Variants in AP4E1 observed in about 807,000 individuals in gnomAD.
The protein encoded by AP4E1 is AP-4 complex subunit epsilon-1.
Under a neutral mutation model 128.2 loss-of-function variants are expected in AP4E1, and 56 were observed. The ratio of observed to expected loss-of-function variants is 0.44; its 90% confidence interval spans 0.35 to 0.55. AP4E1 has a LOEUF of 0.55. AP4E1 is among the 20% of genes least tolerant of loss of function. The pLI, the probability that AP4E1 is intolerant of heterozygous loss-of-function variation, is 0.00. For missense variants in AP4E1, 1,324 were observed against 1,307.7 expected, an observed-to-expected ratio of 1.01 and a Z score of -0.19; for synonymous variants, 484 against 473.1, an observed-to-expected ratio of 1.02 and a Z score of -0.30.
intron 15 of AP4E1, among the ~76,000 whole-genome samples, chr15:50,976,020 T>C (rs1202199197): frequency 6.6e-6 from 1 of 151,792 alleles, no homozygotes; most frequent in Non-Finnish European, 1.5e-5. Context: ...TCCAAAAATT[T>C]AAAGAGGAGA....
intron 3 of AP4E1, chr15:50,918,104 GA>G (rs896043190): frequency 8.2e-4 from 119 of 144,334 alleles, no homozygotes; most frequent in African/African-American, 2.4e-3. Context: ...TGTCTCAAAA[GA>G]AAAAAAAAAA....
chr15:50,908,271 G>A (rs892937903), upstream of AP4E1, among the ~76,000 whole-genome samples: 4 of 151,702 alleles, frequency 2.6e-5, no homozygotes, highest in African/African-American at 9.8e-5. Context: ...GCGCGGCGCC[G>A]GGGACCCGCG....
intron 9 of AP4E1, 40 bp downstream of exon 9, chr15:50,941,604 G>C: frequency 1.2e-6 from 2 of 1,612,328 alleles, no homozygotes; most frequent in Non-Finnish European, 1.7e-6. Context: ...TACAGAGATA[G>C]CTTTTGAAAT....
At position 50,949,798 on chromosome 15, in the gene AP4E1, G is replaced by A. The variant is rs543913433; in HGVS notation, c.1317-28G>A. 6.6e-5 allele frequency: 98 copies of A among 1,494,616 alleles called. 1 individual carries two copies. The South Asian group carries it at 1.0e-3, about 16-fold the overall frequency. The allele number at this position is 1,494,616 out of a possible 1,614,324, so 92.6% of individuals were successfully genotyped here. A position where few individuals can be genotyped will look rare whatever the true frequency, so the allele number is the denominator to read the frequency against. ...TAATTTTAATAAGTAGCATTTGGAA[G>A]TGTACTTGTTCTTAACACTGTGGAC... is the stretch of plus-strand genomic sequence containing the variant. On this transcript the variant is annotated intron_variant, in intron 11 of 20. Coordinates refer to ENST00000261842, the MANE Select transcript of AP4E1 (RefSeq NM_007347.5).
intron 13 of AP4E1, among the ~76,000 whole-genome samples, chr15:50,953,800 A>G (rs1008522098): frequency 6.6e-6 from 1 of 152,236 alleles, no homozygotes; most frequent in Non-Finnish European, 1.5e-5. Flanking sequence ...GTAAAGTTCT[A>G]CAGTAAGAAG....
At chr15:50,915,685 T>A in intron 3 of AP4E1, 114 bp downstream of exon 3, 1 of 1,265,238 alleles carries the variant, frequency 7.9e-7, no homozygotes. Flanking sequence ...TGTATTATAA[T>A]TTCTAAAACT....
At position 51,002,495 on chromosome 15, in the gene AP4E1, G is replaced by A. The variant is rs528986146; in HGVS notation, c.3254-7G>A. 1.2e-6 allele frequency: 2 copies of A among 1,613,710 alleles called. No individual in the cohort carries two copies. Among genetic ancestry groups the A allele is most frequent in the Admixed American group, 1.7e-5 (1 of 59,960 alleles). Reference sequence around the variant, plus strand: ...TTAAATCATTTTTCACTTTTGTTTTGTTTTAGGCAATGAAGGGCTATTGGC... The same window carrying A: ...TTAAATCATTTTTCACTTTTGTTTTATTTTAGGCAATGAAGGGCTATTGGC... On this transcript the variant is annotated splice_polypyrimidine_tract_variant and splice_region_variant and intron_variant, in intron 20 of 20. Coordinates refer to ENST00000261842, the MANE Select transcript of AP4E1 (RefSeq NM_007347.5).
At chr15:50,943,231 A>T (rs1165956688) in intron 10 of AP4E1, among the ~76,000 whole-genome samples, 2 of 152,196 alleles carry the variant, frequency 1.3e-5, no homozygotes, top group Non-Finnish European at 2.9e-5. Context: ...ACATGATTAC[A>T]TTCTTAAAAA....
rs28504041 is a variant in AP4E1 at position 50,950,423 on chromosome 15, C to T, written c.1548+254C>T. 4.7e-3 allele frequency among the ~76,000 whole-genome samples: 711 copies of T among 152,042 alleles called. 10 individuals carry two copies. Among genetic ancestry groups the T allele is most frequent in the African/African-American group, 0.017 (691 of 41,478 alleles). On this transcript the variant is annotated intron_variant, in intron 13 of 20. Transcript: ENST00000261842. ...ATGTTTTTGTTGTGTTTTTTATGTG[C>T]ATCCGTGTTTGAATATTTGAATACT...
At chr15:50,942,546 ATTGAT>A (rs1216275529) in intron 10 of AP4E1, among the ~76,000 whole-genome samples, 3 of 151,358 alleles carry the variant, frequency 2.0e-5, no homozygotes, top group Non-Finnish European at 4.4e-5. Flanking sequence ...ATATTCATAA[ATTGAT>A]TTGAACTTCT....
At chr15:50,918,535 A>C (rs1290787953) in intron 3 of AP4E1, among the ~76,000 whole-genome samples, 2 of 152,172 alleles carry the variant, frequency 1.3e-5, no homozygotes, top group Non-Finnish European at 2.9e-5. Context: ...ATATAATTTA[A>C]ATAATTTTCA....
chr15:50,941,339 C>G, intron 8 of AP4E1, 103 bp from the exon 9 acceptor site: 1 of 1,321,568 alleles, frequency 7.6e-7, no homozygotes, highest in Non-Finnish European at 1.1e-6. Context: ...AGATTTCTGA[C>G]TAAAATGGAC....
intron 6 of AP4E1, 144 bp downstream of exon 6, chr15:50,929,312 A>C: frequency 4.3e-6 from 4 of 936,664 alleles, no homozygotes; most frequent in Non-Finnish European, 6.3e-6. Flanking sequence ...TAGTTTTGCA[A>C]GTTGTTGAGA....
Position 51,002,686 on chromosome 15 carries a change from C to T in AP4E1, c.*24C>T. 1 of 1,613,338 alleles carries T rather than the reference C, an allele frequency of 6.2e-7. No individual in the cohort carries two copies. Among genetic ancestry groups the T allele is most frequent in the Non-Finnish European group, 8.5e-7 (1 of 1,179,596 alleles). On this transcript the variant is annotated 3_prime_UTR_variant, in exon 21 of 21. Coordinates refer to ENST00000261842, the MANE Select transcript of AP4E1 (RefSeq NM_007347.5). ...AGCAGAAGCCCTGCTAAATTTTACTCCATCAAGATCAATGGTTTACATAGA... is the reference window on the plus strand; with the variant it reads ...AGCAGAAGCCCTGCTAAATTTTACTTCATCAAGATCAATGGTTTACATAGA...
At chr15:50,930,697 A>C (rs893634063) in intron 6 of AP4E1, 108 bp from the exon 7 acceptor site, 5 of 1,093,978 alleles carry the variant, frequency 4.6e-6, no homozygotes, top group Non-Finnish European at 6.9e-6. Flanking sequence ...TTAAATGTGA[A>C]CATAAACTTA....
intron 5 of AP4E1, among the ~76,000 whole-genome samples, chr15:50,926,844 C>T (rs955097983): frequency 1.3e-5 from 2 of 152,174 alleles, no homozygotes; most frequent in Non-Finnish European, 2.9e-5. Flanking sequence ...CCTGTCTTGG[C>T]CTCCCAAAGT....
chr15:50,952,371 A>G (rs1364212249), intron 13 of AP4E1, among the ~76,000 whole-genome samples: 1 of 151,942 alleles, frequency 6.6e-6, no homozygotes, highest in Non-Finnish European at 1.5e-5. Context: ...TTAGCCAGGC[A>G]TGGTGGCACG....
intron 7 of AP4E1, among the ~76,000 whole-genome samples, chr15:50,934,085 C>A (rs2063873501): frequency 6.6e-6 from 1 of 151,908 alleles, no homozygotes; most frequent in Admixed American, 6.6e-5. Flanking sequence ...TAATCAGTGA[C>A]CATAATGACA....
At chr15:50,971,263 A>G (rs1186489186) in intron 15 of AP4E1, among the ~76,000 whole-genome samples, 1 of 152,148 alleles carries the variant, frequency 6.6e-6, no homozygotes, top group East Asian at 1.9e-4. Flanking sequence ...TACTTTGAAT[A>G]TATCATCCCA....
Sources: gnomAD v4.1 joint callset for allele counts (sites outside exome capture counted in the v4.1 genomes callset) on GRCh38, gnomAD v4.1.1 for gene constraint, MANE v1.5 for transcripts, NCBI Gene and HGNC (gene_info 2026-07-23, HGNC 2026-07-21) for gene names.